KIAA0825: variants seen among roughly 807,000 people sequenced by gnomAD.
The protein encoded by KIAA0825 is KIAA0825.
A neutral mutation model predicts 147.6 loss-of-function variants in KIAA0825; 119 were observed. That is an observed-to-expected ratio of 0.81 (90% CI 0.69 to 0.94). KIAA0825 has a LOEUF of 0.94. Ranked by LOEUF, KIAA0825 falls within the 40% of genes least tolerant of loss-of-function variation. The pLI, the probability that KIAA0825 is intolerant of heterozygous loss-of-function variation, is 0.00. For synonymous variants in KIAA0825, 470 were observed against 518.1 expected (o/e 0.91, Z 1.26); for missense variants, 1,381 against 1,472.7 (o/e 0.94, Z 1.02).
intron 5 of KIAA0825, 112 bp downstream of exon 5, chr5:94,520,136 T>G: frequency 7.8e-7 from 1 of 1,275,414 alleles, no homozygotes; most frequent in African/African-American, 1.5e-5. Context: ...TTACATTCAT[T>G]TTCTAATTTT....
At chr5:94,332,268 T>C (rs1230578327) in intron 20 of KIAA0825, among the ~76,000 whole-genome samples, 1 of 151,774 alleles carries the variant, frequency 6.6e-6, no homozygotes, top group Non-Finnish European at 1.5e-5. Context: ...GGGATGCATG[T>C]GCAAAACATG....
intron 20 of KIAA0825, among the ~76,000 whole-genome samples, chr5:94,278,144 G>A (rs187306505): frequency 6.6e-6 from 1 of 152,174 alleles, no homozygotes; most frequent in Non-Finnish European, 1.5e-5. Context: ...GAGAGCATTA[G>A]GACAAATACC....
At chr5:94,225,836 T>C (rs986896323) in intron 20 of KIAA0825, among the ~76,000 whole-genome samples, 11 of 152,232 alleles carry the variant, frequency 7.2e-5, no homozygotes, top group African/African-American at 2.7e-4. Flanking sequence ...TTAAAATCCC[T>C]TCCTTACACC....
chr5:94,225,414 CCT>C (rs1368369803), intron 20 of KIAA0825, among the ~76,000 whole-genome samples: 7 of 152,294 alleles, frequency 4.6e-5, no homozygotes, highest in African/African-American at 1.7e-4. Flanking sequence ...TGCTTTTCCC[CCT>C]GTTATGGACT....
At chr5:94,397,304 C>G (rs756120443) in intron 16 of KIAA0825, among the ~76,000 whole-genome samples, 6 of 152,180 alleles carry the variant, frequency 3.9e-5, no homozygotes, top group Admixed American at 2.6e-4. Context: ...GCTATTTCCA[C>G]TTTCTATTAA....
At chr5:94,195,113 A>T (rs1771012924) in intron 20 of KIAA0825, among the ~76,000 whole-genome samples, 1 of 152,198 alleles carries the variant, frequency 6.6e-6, no homozygotes, top group African/African-American at 2.4e-5. Flanking sequence ...ACTACAAATT[A>T]ACAATCTCTG....
chr5:94,328,474 T>C (rs1780927763), intron 20 of KIAA0825, among the ~76,000 whole-genome samples: 1 of 152,016 alleles, frequency 6.6e-6, no homozygotes, highest in African/African-American at 2.4e-5. Context: ...GAATAGAGAT[T>C]GATATTGCAT....
chr5:94,391,212 C>T (rs1749848272), intron 18 of KIAA0825, among the ~76,000 whole-genome samples: 1 of 152,154 alleles, frequency 6.6e-6, no homozygotes, highest in Non-Finnish European at 1.5e-5. Flanking sequence ...TGTACAAATA[C>T]CAGATTTTAA....
intron 5 of KIAA0825, among the ~76,000 whole-genome samples, chr5:94,487,478 TA>T (rs1437865238): frequency 6.6e-6 from 1 of 152,146 alleles, no homozygotes; most frequent in African/African-American, 2.4e-5. Context: ...TTCCCAAACT[TA>T]TTTGACTTAT....
intron 18 of KIAA0825, 30 bp from the exon 19 acceptor site, chr5:94,386,434 C>T (rs988674793): frequency 1.3e-5 from 19 of 1,516,546 alleles, no homozygotes; most frequent in East Asian, 2.5e-5. Context: ...CAAGTTGTGA[C>T]GGTGAGAAGC....
At chr5:94,520,102 A>G in intron 5 of KIAA0825, 146 bp downstream of exon 5, 2 of 1,162,956 alleles carry the variant, frequency 1.7e-6, no homozygotes, top group Non-Finnish European at 2.2e-6. Context: ...AAAATGCATG[A>G]GAAATGTATA....
At chr5:94,536,928 T>G (rs1291684480) in intron 3 of KIAA0825, 68 bp downstream of exon 3, 7 of 1,115,230 alleles carry the variant, frequency 6.3e-6, no homozygotes, top group African/African-American at 1.6e-5. Context: ...AGGATACAAA[T>G]AGACCAGGTA....
intron 20 of KIAA0825, among the ~76,000 whole-genome samples, chr5:94,242,655 T>G (rs2150107027): frequency 6.6e-6 from 1 of 152,060 alleles, no homozygotes; most frequent in Middle Eastern, 3.4e-3. Context: ...CTTTTTCTTC[T>G]TGCTCTGTTG....
At chr5:94,533,821 G>A (rs1432547488) in intron 3 of KIAA0825, among the ~76,000 whole-genome samples, 1 of 152,158 alleles carries the variant, frequency 6.6e-6, no homozygotes, top group African/African-American at 2.4e-5. Context: ...AGTCACCCAG[G>A]TCTGACTTGA....
chr5:94,373,702 C>A (rs1747091172), intron 20 of KIAA0825, among the ~76,000 whole-genome samples: 1 of 152,008 alleles, frequency 6.6e-6, no homozygotes. Context: ...AACTACAATT[C>A]AAGATGAGAT....
intron 6 of KIAA0825, among the ~76,000 whole-genome samples, chr5:94,484,178 A>C (rs1026510726): frequency 2.0e-5 from 3 of 151,780 alleles, no homozygotes; most frequent in African/African-American, 7.2e-5. Context: ...ATATTCCATA[A>C]TTATAATTAC....
chr5:94,350,296 T>C (rs443577), intron 20 of KIAA0825, among the ~76,000 whole-genome samples: 30,165 of 151,872 alleles, frequency 0.2, 3,493 homozygotes, highest in Middle Eastern at 0.26. Flanking sequence ...TTAAAAATTA[T>C]CAACAAAAAA....
chr5:94,473,631 G>T, intron 7 of KIAA0825, 112 bp from the exon 8 acceptor site: 1 of 722,460 alleles, frequency 1.4e-6, no homozygotes. Flanking sequence ...TATATTCTTT[G>T]ATATACTGTA....
chr5:94,249,530 A>G (rs995513916), intron 20 of KIAA0825, among the ~76,000 whole-genome samples: 1 of 152,066 alleles, frequency 6.6e-6, no homozygotes, highest in Non-Finnish European at 1.5e-5. Flanking sequence ...GCATGAGGGC[A>G]TGTGTAACAC....
Sources: gnomAD v4.1 joint callset for allele counts (sites outside exome capture counted in the v4.1 genomes callset) on GRCh38, gnomAD v4.1.1 for gene constraint, MANE v1.5 for transcripts, NCBI Gene and HGNC (gene_info 2026-07-23, HGNC 2026-07-21) for gene names.